The following FOXP2 variants were observed in gnomAD, a reference collection of about 807,000 sequenced individuals.
FOXP2 encodes forkhead box protein P2.
In FOXP2, 12 loss-of-function variants were observed where a neutral mutation model predicts 115.8. The observed-to-expected ratio is 0.10, with a 90% confidence interval of 0.07 to 0.17. The LOEUF is 0.17. FOXP2 is among the 10% of genes least tolerant of loss of function. The pLI, the probability that FOXP2 is intolerant of heterozygous loss-of-function variation, is 1.00. For missense variants in FOXP2, 629 were observed against 843.5 expected, an observed-to-expected ratio of 0.75 and a Z score of 3.15; for synonymous variants, 328 against 297.7, an observed-to-expected ratio of 1.10 and a Z score of -1.05.
At chr7:114,599,081 T>C (rs1038305038) in intron 3 of FOXP2, among the ~76,000 whole-genome samples, 1 of 152,172 alleles carries the variant, frequency 6.6e-6, no homozygotes. Flanking sequence ...CTCGACTTTA[T>C]TGTACTGCCT....
At chr7:114,524,341 T>C (rs997965919) in intron 2 of FOXP2, among the ~76,000 whole-genome samples, 1 of 152,198 alleles carries the variant, frequency 6.6e-6, no homozygotes, top group Non-Finnish European at 1.5e-5. Flanking sequence ...CTTGGAATTA[T>C]TTATGTTGTT....
intron 2 of FOXP2, among the ~76,000 whole-genome samples, chr7:114,320,140 C>T (rs1256406968): frequency 6.6e-6 from 1 of 152,180 alleles, no homozygotes; most frequent in East Asian, 1.9e-4. Context: ...ACTCTGCTCC[C>T]TTTATTTTCA....
At chr7:114,260,035 G>T (rs1326711809) in intron 1 of FOXP2, among the ~76,000 whole-genome samples, 1 of 151,974 alleles carries the variant, frequency 6.6e-6, no homozygotes, top group East Asian at 1.9e-4. Context: ...GATTAGCGGG[G>T]TGTGTGCCTC....
chr7:114,589,131 G>A (rs2129306709), intron 3 of FOXP2, among the ~76,000 whole-genome samples: 2 of 152,150 alleles, frequency 1.3e-5, no homozygotes, highest in South Asian at 4.1e-4. Flanking sequence ...TCTTTCTGAA[G>A]ATACAAATTG....
chr7:114,296,054 G>A (rs1047386833), intron 2 of FOXP2, among the ~76,000 whole-genome samples: 2 of 152,114 alleles, frequency 1.3e-5, no homozygotes, highest in Non-Finnish European at 2.9e-5. Flanking sequence ...AGAAAGCAAA[G>A]CAGTGAAACA....
In FOXP2 at chr7:114,415,255, T is replaced by C. The variant is rs1379949679; in HGVS notation, c.-116T>C. On this transcript the variant is annotated 5_prime_UTR_variant, in exon 1 of 17. Coordinates refer to ENST00000350908, the MANE Select transcript of FOXP2 (RefSeq NM_014491.4). ...GCTTCTGAGTTTTCCCTTCTTTTTA[T>C]ACTGTTTTCTGTGCTGGCTTTTTTG... The C allele has an allele frequency of 2.2e-6, 1 of 453,960 alleles. No homozygotes were observed. Among genetic ancestry groups the C allele is most frequent in the South Asian group, 1.6e-5 (1 of 64,476 alleles). The allele number at this position is 453,960 out of a possible 1,614,324, so 28.1% of individuals were successfully genotyped here.
chr7:114,587,267 C>T (rs531088105), intron 3 of FOXP2, among the ~76,000 whole-genome samples: 1 of 152,068 alleles, frequency 6.6e-6, no homozygotes, highest in East Asian at 1.9e-4. Flanking sequence ...GTGATGTTTC[C>T]CTCCCTGTGT....
chr7:114,394,972 A>AT (rs1286322863), intron 2 of FOXP2, among the ~76,000 whole-genome samples: 2 of 150,264 alleles, frequency 1.3e-5, no homozygotes, highest in African/African-American at 5.0e-5. Flanking sequence ...CAGTTTCCAG[A>AT]TTTTGATAGT....
At chr7:114,321,121 G>A (rs1797408779) in intron 2 of FOXP2, among the ~76,000 whole-genome samples, 1 of 151,964 alleles carries the variant, frequency 6.6e-6, no homozygotes, top group Admixed American at 6.6e-5. Context: ...AGTTTTAGAA[G>A]GAGAGTTAGG....
chr7:114,256,474 T>C (rs1795616568), intron 1 of FOXP2, among the ~76,000 whole-genome samples: 1 of 152,200 alleles, frequency 6.6e-6, no homozygotes, highest in South Asian at 2.1e-4. Flanking sequence ...CTTTTTTTCC[T>C]GTTTGTTGGC....
intron 1 of FOXP2, among the ~76,000 whole-genome samples, chr7:114,126,204 A>G (rs1320829293): frequency 1.1e-5 from 1 of 89,800 alleles, no homozygotes; most frequent in East Asian, 3.6e-4. Context: ...CAGGAAAAAA[A>G]TTATGGTGTA....
intron 2 of FOXP2, among the ~76,000 whole-genome samples, chr7:114,406,463 T>C (rs1793040015): frequency 6.6e-6 from 1 of 151,998 alleles, no homozygotes; most frequent in African/African-American, 2.4e-5. Context: ...GATTTTATTA[T>C]TCTGATTTGA....
At chr7:114,619,594 T>C (rs1197449645) in intron 3 of FOXP2, among the ~76,000 whole-genome samples, 1 of 152,116 alleles carries the variant, frequency 6.6e-6, no homozygotes, top group African/African-American at 2.4e-5. Context: ...TTTTTTAATT[T>C]ATGAAATGTA....
chr7:114,280,205 T>C (rs2129174672), intron 1 of FOXP2, among the ~76,000 whole-genome samples: 1 of 152,180 alleles, frequency 6.6e-6, no homozygotes, highest in Non-Finnish European at 1.5e-5. Flanking sequence ...CATGCCCCCG[T>C]AGAATGAATT....
chr7:114,301,509 A>G (rs1796879039), intron 2 of FOXP2, among the ~76,000 whole-genome samples: 1 of 152,108 alleles, frequency 6.6e-6, no homozygotes, highest in Admixed American at 6.6e-5. Flanking sequence ...AAATAGTGGT[A>G]TGCCCCTCAC....
In FOXP2 at chr7:114,291,946, T is replaced by C. The variant is rs867381861; in HGVS notation, c.-11+3837T>C. 4.0e-3 allele frequency among the ~76,000 whole-genome samples: 553 copies of C among 139,272 alleles called. 12 individuals are homozygous for C. The highest frequency in any genetic ancestry group is 7.1e-3 in the African/African-American group (267 of 37,860). 91.4% of individuals were successfully genotyped at this position (139,272 alleles called of 152,430 possible). On this transcript the variant is annotated intron_variant, in intron 2 of 17. Coordinates refer to the FOXP2 transcript ENST00000634411. ...TAGATAATATATAGAATATATATTA[T>C]AGATAATATATAGAATATATATTAT...
At chr7:114,656,092 A>G (rs189696965) in intron 10 of FOXP2, among the ~76,000 whole-genome samples, 194 of 152,318 alleles carry the variant, frequency 1.3e-3, no homozygotes, top group Middle Eastern at 3.4e-3. Flanking sequence ...ATAGCAGAAT[A>G]AGTTACCGTA....
chr7:114,366,265 C>T (rs907390771), intron 2 of FOXP2, among the ~76,000 whole-genome samples: 2 of 152,064 alleles, frequency 1.3e-5, no homozygotes, highest in Non-Finnish European at 2.9e-5. Flanking sequence ...TTGGTAATAG[C>T]TGTTTGAGGT....
intron 1 of FOXP2, among the ~76,000 whole-genome samples, chr7:114,255,701 C>T (rs1795593183): frequency 6.6e-6 from 1 of 152,170 alleles, no homozygotes; most frequent in Admixed American, 6.5e-5. Flanking sequence ...CACAGCTTCG[C>T]TTGGCTAGGA....
Sources: allele counts gnomAD v4.1 joint callset (sites outside exome capture counted in the v4.1 genomes callset), GRCh38; gene constraint gnomAD v4.1.1; transcripts MANE v1.5; gene names NCBI Gene and HGNC (gene_info 2026-07-23, HGNC 2026-07-21).